Variants in TBX19 observed in about 807,000 individuals in gnomAD.
TBX19 encodes the protein T-box transcription factor 19.
A neutral mutation model predicts 40.9 loss-of-function variants in TBX19; 33 were observed. The observed-to-expected ratio is 0.81, with a 90% CI of 0.61 to 1.08. The LOEUF is 1.08. TBX19 is among the 50% of genes least tolerant of loss of function. TBX19 has a pLI of 0.00. For synonymous variants in TBX19, 220 were observed against 225.0 expected, an observed-to-expected ratio of 0.98 and a Z score of 0.20; for missense variants, 494 against 574.0, an observed-to-expected ratio of 0.86 and a Z score of 1.42.
intron 6 of TBX19, among the ~76,000 whole-genome samples, chr1:168,305,804 T>C (rs1358874195): frequency 3.3e-5 from 5 of 152,228 alleles, no homozygotes; most frequent in African/African-American, 4.8e-5. Flanking sequence ...TTGCCTTATG[T>C]AGGCCCAGAC....
chr1:168,285,276 C>G (rs1195788679), intron 1 of TBX19, among the ~76,000 whole-genome samples: 1 of 150,864 alleles, frequency 6.6e-6, no homozygotes, highest in Non-Finnish European at 1.5e-5. Context: ...CACACACACA[C>G]ACACACACAC....
intron 3 of TBX19, 36 bp downstream of exon 3, chr1:168,293,314 T>A: frequency 6.4e-7 from 1 of 1,573,620 alleles, no homozygotes; most frequent in Non-Finnish European, 8.6e-7. Flanking sequence ...TGTGTGTGTG[T>A]GTGTGTGTGT....
chr1:168,311,595 G>T (rs1649521953), intron 7 of TBX19, among the ~76,000 whole-genome samples: 1 of 152,150 alleles, frequency 6.6e-6, no homozygotes, highest in African/African-American at 2.4e-5. Context: ...TTCCCTGTTG[G>T]TGTGTTTAAC....
chr1:168,289,704 CCTAG>C (rs753186753), intron 1 of TBX19, among the ~76,000 whole-genome samples: 11 of 152,322 alleles, frequency 7.2e-5, no homozygotes, highest in South Asian at 4.1e-4. Context: ...ATGCCTGGCA[CCTAG>C]TGAGTGCTCT....
At chr1:168,302,680 A>T (rs1219906458) in intron 5 of TBX19, among the ~76,000 whole-genome samples, 1 of 151,172 alleles carries the variant, frequency 6.6e-6, no homozygotes, top group Non-Finnish European at 1.5e-5. Context: ...GAAAAAAGGA[A>T]AAAAACCCCA....
chr1:168,309,359 G>A (rs772821776), intron 7 of TBX19, among the ~76,000 whole-genome samples: 18 of 152,190 alleles, frequency 1.2e-4, no homozygotes, highest in Non-Finnish European at 2.5e-4. Context: ...GGCAACAAGA[G>A]TGAAACTCCG....
intron 1 of TBX19, among the ~76,000 whole-genome samples, chr1:168,283,127 G>C (rs748085182): frequency 2.0e-5 from 3 of 152,190 alleles, no homozygotes; most frequent in Admixed American, 2.0e-4. Context: ...AGGGGTCCTT[G>C]AGCCCGGGAT....
At chr1:168,298,540 G>T (rs987429295) in intron 4 of TBX19, among the ~76,000 whole-genome samples, 2 of 152,154 alleles carry the variant, frequency 1.3e-5, no homozygotes, top group Non-Finnish European at 2.9e-5. Flanking sequence ...GGAGACTTCT[G>T]GGGGTATGAG....
intron 2 of TBX19, 42 bp from the exon 3 acceptor site, chr1:168,293,102 G>C (rs776516933): frequency 6.2e-7 from 1 of 1,610,928 alleles, no homozygotes; most frequent in Non-Finnish European, 8.5e-7. Context: ...GCGATACACG[G>C]GGCTTTGCTT....
chr1:168,285,642 C>G (rs1201479016), intron 1 of TBX19, among the ~76,000 whole-genome samples: 1 of 152,254 alleles, frequency 6.6e-6, no homozygotes, highest in Non-Finnish European at 1.5e-5. Context: ...ACATTTTCCT[C>G]TCTTTCTCTC....
Position 168,313,260 on chromosome 1 carries a change from A to C in TBX19, c.*258A>C, listed in dbSNP as rs771131598. On this transcript the variant is annotated 3_prime_UTR_variant, in exon 8 of 8. Transcript: ENST00000367821. ...ATTCTTGCCATGCTTAGGTGACAGA[A>C]GTTTGTTAAGTACCATCCTTGTGCC... 211 of 553,008 alleles carry C rather than the reference A, an allele frequency of 3.8e-4. No individual in the cohort carries two copies. The highest frequency in any genetic ancestry group is 6.3e-4 in the Non-Finnish European group (194 of 307,898). 34.3% of individuals were successfully genotyped at this position (553,008 alleles called of 1,614,324 possible).
In TBX19 at chr1:168,281,004, G is replaced by A. The variant is rs1648633083; in HGVS notation, c.-87G>A. On this transcript the variant is annotated 5_prime_UTR_variant, in exon 1 of 8. Transcript: ENST00000367821. ...CCGCTCCCCAAGCACTGTTCAAGTG[G>A]GTTTGAAAAGCAGGCAAGTGAGGGA... The A allele has an allele frequency of 1.0e-5, 13 of 1,289,200 alleles. No homozygotes were observed. The highest frequency in any genetic ancestry group is 1.4e-5 in the Non-Finnish European group (13 of 898,252). The allele number at this position is 1,289,200 out of a possible 1,614,324, so 79.9% of individuals were successfully genotyped here. A position where few individuals can be genotyped will look rare whatever the true frequency, so the allele number is the denominator to read the frequency against.
intron 7 of TBX19, among the ~76,000 whole-genome samples, chr1:168,310,738 G>A (rs934999708): frequency 2.1e-5 from 3 of 143,304 alleles, no homozygotes; most frequent in African/African-American, 7.7e-5. Context: ...ATATAATATA[G>A]ACTTATATAT....
At chr1:168,309,241 C>T (rs1311215986) in intron 7 of TBX19, among the ~76,000 whole-genome samples, 3 of 152,004 alleles carry the variant, frequency 2.0e-5, no homozygotes, top group Admixed American at 6.5e-5. Flanking sequence ...GGCATGGTGG[C>T]GCATGCCTGT....
At chr1:168,282,867 A>G (rs1648697141) in intron 1 of TBX19, among the ~76,000 whole-genome samples, 1 of 152,246 alleles carries the variant, frequency 6.6e-6, no homozygotes. Flanking sequence ...AAAAATAAGT[A>G]CAATTACCAA....
intron 3 of TBX19, among the ~76,000 whole-genome samples, chr1:168,294,526 G>C (rs181101850): frequency 6.7e-6 from 1 of 150,312 alleles, no homozygotes; most frequent in South Asian, 2.1e-4. Flanking sequence ...TTTTGAGACA[G>C]AGTCTCACTC....
At chr1:168,292,637 G>A (rs1226238892) in intron 2 of TBX19, among the ~76,000 whole-genome samples, 1 of 152,146 alleles carries the variant, frequency 6.6e-6, no homozygotes, top group African/African-American at 2.4e-5. Context: ...GGCCGAAGTG[G>A]GCGGATCACG....
intron 1 of TBX19, among the ~76,000 whole-genome samples, chr1:168,288,250 A>G (rs1361219980): frequency 6.6e-6 from 1 of 151,226 alleles, no homozygotes; most frequent in African/African-American, 2.4e-5. Flanking sequence ...TACAATGTTA[A>G]TGCTATGTAA....
intron 6 of TBX19, 163 bp from the exon 7 acceptor site, chr1:168,308,579 C>G: frequency 1.2e-6 from 1 of 855,850 alleles, no homozygotes; most frequent in Non-Finnish European, 1.8e-6. Context: ...ATTGAGGAAA[C>G]CCACGTTTCT....
Sources: gnomAD v4.1 joint callset for allele counts (sites outside exome capture counted in the v4.1 genomes callset) on GRCh38, gnomAD v4.1.1 for gene constraint, MANE v1.5 for transcripts, NCBI Gene and HGNC (gene_info 2026-07-23, HGNC 2026-07-21) for gene names.